Variants in EFHC2 observed in about 807,000 individuals in gnomAD.
EFHC2 encodes the protein EF-hand domain containing 2, also known as EF-hand domain-containing family member C2.
In EFHC2, 18 loss-of-function variants were observed where a neutral mutation model predicts 52.7. That is an observed-to-expected ratio of 0.34 (90% CI 0.24 to 0.51). The LOEUF is 0.51. Ranked by LOEUF, EFHC2 falls within the 20% of genes least tolerant of loss-of-function variation. The pLI is 0.97. For missense variants in EFHC2, 513 were observed against 562.5 expected (o/e 0.91, Z 0.89); for synonymous variants, 203 against 204.1 (o/e 0.99, Z 0.04).
chrX:44,320,325 T>C (rs2038010362), intron 1 of EFHC2, among the ~76,000 whole-genome samples: 1 of 111,653 alleles, frequency 9.0e-6, no homozygotes, highest in Non-Finnish European at 1.9e-5. Flanking sequence ...AATGTGACCC[T>C]CAGGACCTGT....
At chrX:44,310,643 A>C (rs1463351821) in intron 2 of EFHC2, among the ~76,000 whole-genome samples, 1 of 112,080 alleles carries the variant, frequency 8.9e-6, no homozygotes, top group Non-Finnish European at 1.9e-5. Context: ...ATTAACCAGG[A>C]TCTAGTCTGT....
At chrX:44,261,357 A>C in intron 3 of EFHC2, 59 bp from the exon 4 acceptor site, 2 of 1,001,838 alleles carry the variant, frequency 2.0e-6, no homozygotes, top group Non-Finnish European at 1.3e-6. Context: ...AAGAAGATAC[A>C]GCACATTCAC....
intron 11 of EFHC2, among the ~76,000 whole-genome samples, chrX:44,194,193 C>T (rs2036944336): frequency 8.9e-6 from 1 of 111,969 alleles, no homozygotes; most frequent in Admixed American, 9.5e-5. Context: ...GATTTACTTC[C>T]TTCCCAGAAT....
chrX:44,296,076 T>TC (rs759539485), intron 2 of EFHC2, among the ~76,000 whole-genome samples: 3 of 111,654 alleles, frequency 2.7e-5, no homozygotes, highest in African/African-American at 9.8e-5. Context: ...ATACTCTCTC[T>TC]CCCTCCTATC....
At chrX:44,231,002 C>T (rs2037272114) in intron 10 of EFHC2, among the ~76,000 whole-genome samples, 1 of 111,769 alleles carries the variant, frequency 8.9e-6, no homozygotes, top group Non-Finnish European at 1.9e-5. Flanking sequence ...AGTCAGGTTC[C>T]CAAGCCAGGC....
intron 9 of EFHC2, 119 bp downstream of exon 9, chrX:44,235,186 T>A (rs1351839482): frequency 3.5e-5 from 22 of 633,554 alleles, no homozygotes; most frequent in Admixed American, 3.2e-4. Context: ...GGTTTTTTTT[T>A]ATAAAGCCTC....
rs1602175207 is a variant in EFHC2, at chrX:44,248,180, G to T, written c.1111+92C>A. 5.1e-6 allele frequency: 4 copies of T among 782,081 alleles called. No individual in the cohort carries two copies. In the East Asian group the frequency reaches 1.1e-4, roughly 21 times the overall value. The allele number at this position is 782,081 out of a possible 1,213,427, so 64.5% of individuals were successfully genotyped here. On this transcript the variant is annotated intron_variant, in intron 7 of 14. Coordinates refer to ENST00000420999, the MANE Select transcript of EFHC2 (RefSeq NM_025184.4). ...GCACAATAAGTGGTAGCTATTATGA[G>T]CCTAGCATTTGAAACTCCAAAGTAA...
intron 14 of EFHC2, among the ~76,000 whole-genome samples, chrX:44,152,985 T>C (rs2036581987): frequency 8.9e-6 from 1 of 112,085 alleles, no homozygotes; most frequent in Non-Finnish European, 1.9e-5. Flanking sequence ...TAATGCATTA[T>C]GTAACTCATA....
At chrX:44,292,138 GT>G (rs1267554150) in intron 2 of EFHC2, among the ~76,000 whole-genome samples, 2 of 110,968 alleles carry the variant, frequency 1.8e-5, no homozygotes, top group African/African-American at 6.5e-5. Flanking sequence ...ATATATGTGT[GT>G]TTTTTTGTGT....
chrX:44,231,151 T>C (rs2037272991), intron 10 of EFHC2, among the ~76,000 whole-genome samples: 1 of 112,048 alleles, frequency 8.9e-6, no homozygotes, highest in Non-Finnish European at 1.9e-5. Context: ...ATGGCAGCCA[T>C]GGAGGGCGCT....
chrX:44,151,726 T>A (rs1206165275), intron 14 of EFHC2, among the ~76,000 whole-genome samples: 1 of 112,087 alleles, frequency 8.9e-6, no homozygotes, highest in African/African-American at 3.2e-5. Context: ...ACATGAGTTT[T>A]GGAGGGGACA....
chrX:44,165,109 T>C (rs996783056), intron 13 of EFHC2, among the ~76,000 whole-genome samples: 2 of 111,896 alleles, frequency 1.8e-5, no homozygotes, highest in Non-Finnish European at 3.8e-5. Context: ...CTAGACATTG[T>C]TCCAGGCACC....
chrX:44,275,680 G>A (rs2037650929), intron 2 of EFHC2, among the ~76,000 whole-genome samples: 1 of 108,354 alleles, frequency 9.2e-6, no homozygotes, highest in Admixed American at 1.0e-4. Context: ...TTGGGAAGCC[G>A]ACGCAGGTGG....
intron 14 of EFHC2, among the ~76,000 whole-genome samples, chrX:44,150,879 A>C (rs1159025886): frequency 9.0e-6 from 1 of 111,418 alleles, no homozygotes; most frequent in African/African-American, 3.3e-5. Flanking sequence ...GGGTTTTTGC[A>C]GATGTAATTA....
chrX:44,207,940 A>G (rs928584579), intron 11 of EFHC2, among the ~76,000 whole-genome samples: 28 of 112,524 alleles, frequency 2.5e-4, no homozygotes, highest in African/African-American at 9.0e-4. Flanking sequence ...AATTAAAATC[A>G]AATAAGATAT....
intron 4 of EFHC2, among the ~76,000 whole-genome samples, chrX:44,259,146 G>A (rs1398223433): frequency 9.0e-6 from 1 of 111,702 alleles, no homozygotes; most frequent in Non-Finnish European, 1.9e-5. Context: ...TGGAACCAAC[G>A]CAAATGCTCA....
At chrX:44,157,448 G>A (rs1448917059) in intron 14 of EFHC2, among the ~76,000 whole-genome samples, 1 of 111,118 alleles carries the variant, frequency 9.0e-6, no homozygotes, top group Admixed American at 9.5e-5. Flanking sequence ...GACTGACTCT[G>A]TGGATTGCAT....
intron 13 of EFHC2, among the ~76,000 whole-genome samples, chrX:44,172,656 T>C (rs2036755167): frequency 8.9e-6 from 1 of 112,371 alleles, no homozygotes; most frequent in African/African-American, 3.2e-5. Context: ...TCTACTTCCA[T>C]TAGAGGCTCA....
chrX:44,309,928 T>C, intron 2 of EFHC2: 10 of 1,018,549 alleles, frequency 9.8e-6, no homozygotes, highest in Non-Finnish European at 2.8e-6. Context: ...GGATCTTTGA[T>C]GTAAGTGTCA....
Sources: gnomAD v4.1 joint callset for allele counts (sites outside exome capture counted in the v4.1 genomes callset) on GRCh38, gnomAD v4.1.1 for gene constraint, MANE v1.5 for transcripts, NCBI Gene and HGNC (gene_info 2026-07-23, HGNC 2026-07-21) for gene names.